CSNK2A2IP: variants seen among roughly 807,000 people sequenced by gnomAD.
CSNK2A2IP encodes casein kinase 2 subunit alpha' interacting protein.
the CSNK2A2IP span, among the ~76,000 whole-genome samples, chr3:88,413,388 A>C: frequency 6.8e-6 from 1 of 147,370 alleles, no homozygotes; most frequent in African/African-American, 2.4e-5. Context: ...TTGAATCTTG[A>C]ATCTTGAAAA....
the CSNK2A2IP span, among the ~76,000 whole-genome samples, chr3:88,451,379 T>G: frequency 1.1e-4 from 16 of 152,054 alleles, no homozygotes; most frequent in South Asian, 2.1e-4. Context: ...TTTTATGTCT[T>G]CTTTGGAGAA....
the CSNK2A2IP span, among the ~76,000 whole-genome samples, chr3:88,462,234 G>C: frequency 6.6e-6 from 1 of 151,564 alleles, no homozygotes; most frequent in Non-Finnish European, 1.5e-5. Flanking sequence ...AACTCTTAAT[G>C]GCTACTACTT....
chr3:88,454,300 T>G, the CSNK2A2IP span, among the ~76,000 whole-genome samples: 1 of 151,788 alleles, frequency 6.6e-6, no homozygotes, highest in East Asian at 1.9e-4. Context: ...ATTTTGAGAG[T>G]TTTCTCTATA....
At chr3:88,364,192 A>C in the CSNK2A2IP span, among the ~76,000 whole-genome samples, 1 of 151,872 alleles carries the variant, frequency 6.6e-6, no homozygotes, top group African/African-American at 2.4e-5. Context: ...ATTTCACTTC[A>C]TATGTCTCCC....
At chr3:88,400,412 C>T in the CSNK2A2IP span, among the ~76,000 whole-genome samples, 6 of 152,046 alleles carry the variant, frequency 3.9e-5, no homozygotes, top group Non-Finnish European at 7.4e-5. Context: ...AATCATGGCC[C>T]GCAAAGGTTT....
chr3:88,465,350 A>C, the CSNK2A2IP span: 2 of 1,231,362 alleles, frequency 1.6e-6, no homozygotes, highest in Non-Finnish European at 2.0e-6. Context: ...CCTCTACTAC[A>C]ACACAAGATG....
the CSNK2A2IP span, among the ~76,000 whole-genome samples, chr3:88,383,019 AC>A: frequency 6.6e-6 from 1 of 152,136 alleles, no homozygotes; most frequent in Admixed American, 6.5e-5. Flanking sequence ...AAAACAGTTT[AC>A]ACTGTAGGCC....
chr3:88,451,082 GA>G, the CSNK2A2IP span, among the ~76,000 whole-genome samples: 438 of 152,036 alleles, frequency 2.9e-3, 2 homozygotes, highest in African/African-American at 9.9e-3. Flanking sequence ...GAAGGTTTTT[GA>G]AAAATATTTA....
At chr3:88,350,484 G>A in the CSNK2A2IP span, among the ~76,000 whole-genome samples, 1 of 151,824 alleles carries the variant, frequency 6.6e-6, no homozygotes, top group South Asian at 2.1e-4. Flanking sequence ...ATGGGAAGGG[G>A]GAGAAAAGAT....
chr3:88,365,137 C>T, the CSNK2A2IP span, among the ~76,000 whole-genome samples: 20 of 152,054 alleles, frequency 1.3e-4, no homozygotes, highest in East Asian at 2.7e-3. Context: ...ATATTGCCAA[C>T]GAGTTTAAAA....
At chr3:88,465,350 A>G in the CSNK2A2IP span, 1 of 1,231,362 alleles carries the variant, frequency 8.1e-7, no homozygotes, top group Non-Finnish European at 1.0e-6. Context: ...CCTCTACTAC[A>G]ACACAAGATG....
chr3:88,446,034 CTTTCTTTCTTTCTTTCTTTCTTTCTT>C, the CSNK2A2IP span, among the ~76,000 whole-genome samples: 4 of 22,098 alleles, frequency 1.8e-4, no homozygotes, highest in African/African-American at 6.8e-4. Context: ...TGTTTCTTTT[CTTTCTTTCTTTCTTTCTTTCTTTCTT>C]TCTTTCTTTC....
the CSNK2A2IP span, among the ~76,000 whole-genome samples, chr3:88,352,609 C>T: frequency 1.3e-5 from 2 of 151,842 alleles, no homozygotes; most frequent in Non-Finnish European, 2.9e-5. Context: ...GATAGGGTCT[C>T]GCTCCATCAC....
At chr3:88,426,911 C>T in the CSNK2A2IP span, among the ~76,000 whole-genome samples, 1 of 150,360 alleles carries the variant, frequency 6.7e-6, no homozygotes, top group Non-Finnish European at 1.5e-5. Flanking sequence ...GTGGGGTGTG[C>T]TACTGTAAAA....
the CSNK2A2IP span, among the ~76,000 whole-genome samples, chr3:88,454,177 A>G: frequency 6.6e-6 from 1 of 152,180 alleles, no homozygotes; most frequent in African/African-American, 2.4e-5. Flanking sequence ...ATTCCTCTAA[A>G]GAATAATGAT....
chr3:88,384,372 A>T, the CSNK2A2IP span, among the ~76,000 whole-genome samples: 1 of 132,760 alleles, frequency 7.5e-6, no homozygotes, highest in Non-Finnish European at 1.7e-5. Context: ...CAAAATTAAA[A>T]AAAAAACAAA....
At chr3:88,341,227 G>C in the CSNK2A2IP span, among the ~76,000 whole-genome samples, 1 of 151,668 alleles carries the variant, frequency 6.6e-6, no homozygotes, top group Non-Finnish European at 1.5e-5. Context: ...GAATAATTGG[G>C]TTCAGAGGCT....
chr3:88,353,015 A>T, the CSNK2A2IP span, among the ~76,000 whole-genome samples: 3 of 152,188 alleles, frequency 2.0e-5, no homozygotes, highest in Admixed American at 2.0e-4. Flanking sequence ...TTCTCTTAAG[A>T]AATCTTACAA....
chr3:88,416,267 C>G, the CSNK2A2IP span, among the ~76,000 whole-genome samples: 4 of 144,562 alleles, frequency 2.8e-5, no homozygotes, highest in Non-Finnish European at 6.0e-5. Context: ...GTGAGACTCC[C>G]TATTAAAAAA....
Sources: gnomAD v4.1 joint callset for allele counts (sites outside exome capture counted in the v4.1 genomes callset) on GRCh38, gnomAD v4.1.1 for gene constraint, MANE v1.5 for transcripts, NCBI Gene and HGNC (gene_info 2026-07-23, HGNC 2026-07-21) for gene names.